ATP2B2: variants seen among roughly 807,000 people sequenced by gnomAD.
ATP2B2 encodes plasma membrane calcium-transporting ATPase 2.
Under a neutral mutation model 120.0 loss-of-function variants are expected in ATP2B2, and 15 were observed. That is an observed-to-expected ratio of 0.12 (90% CI 0.08 to 0.19). The LOEUF is 0.19. Ranked by LOEUF, ATP2B2 falls within the 10% of genes least tolerant of loss-of-function variation. The probability of loss-of-function intolerance (pLI) is 1.00; values close to 1 mark genes in which losing one functional copy is unlikely to be tolerated. For missense variants in ATP2B2, 1,045 were observed against 1,719.8 expected (o/e 0.61, Z 6.94); for synonymous variants, 694 against 700.3 (o/e 0.99, Z 0.14).
intron 21 of ATP2B2, among the ~76,000 whole-genome samples, chr3:10,339,734 C>T (rs529687031): frequency 2.7e-4 from 41 of 152,288 alleles, no homozygotes; most frequent in African/African-American, 9.6e-4. Flanking sequence ...CTTGCGTTCC[C>T]TCTGAGTGCT....
At chr3:10,620,375 C>G (rs1329339603) in intron 1 of ATP2B2, among the ~76,000 whole-genome samples, 1 of 152,168 alleles carries the variant, frequency 6.6e-6, no homozygotes, top group East Asian at 1.9e-4. Flanking sequence ...AGGCTCTGGA[C>G]AAAGTCTGGG....
chr3:10,613,992 T>C (rs1305680835), intron 2 of ATP2B2, among the ~76,000 whole-genome samples: 6 of 152,088 alleles, frequency 3.9e-5, no homozygotes, highest in African/African-American at 1.4e-4. Flanking sequence ...TGGAATGTTG[T>C]TCTTGGTTTT....
chr3:10,607,132 G>C (rs947839383), intron 2 of ATP2B2, among the ~76,000 whole-genome samples: 6 of 152,104 alleles, frequency 3.9e-5, no homozygotes, highest in Non-Finnish European at 7.4e-5. Flanking sequence ...ACAAGATGTG[G>C]CACTGGCTTG....
At chr3:10,575,143 G>C (rs2068215448) in intron 2 of ATP2B2, among the ~76,000 whole-genome samples, 1 of 152,178 alleles carries the variant, frequency 6.6e-6, no homozygotes, top group African/African-American at 2.4e-5. Flanking sequence ...CTGAAAGAAA[G>C]AGCTGGAAGT....
At chr3:10,477,237 GTGTGT>G (rs1193465556) in intron 1 of ATP2B2, among the ~76,000 whole-genome samples, 1 of 152,194 alleles carries the variant, frequency 6.6e-6, no homozygotes, top group African/African-American at 2.4e-5. Flanking sequence ...TTTTGTGTGT[GTGTGT>G]TTTCTCTGAA....
intron 2 of ATP2B2, among the ~76,000 whole-genome samples, chr3:10,434,201 A>G (rs2125112983): frequency 6.6e-6 from 1 of 152,396 alleles, no homozygotes; most frequent in Admixed American, 6.5e-5. Context: ...ATTTATTTTC[A>G]GTTACAATCT....
At chr3:10,460,275 T>C (rs546563415) in intron 1 of ATP2B2, among the ~76,000 whole-genome samples, 5 of 152,154 alleles carry the variant, frequency 3.3e-5, no homozygotes, top group Non-Finnish European at 7.3e-5. Context: ...TGAAAGACAG[T>C]ACCCCTGGGG....
intron 1 of ATP2B2, among the ~76,000 whole-genome samples, chr3:10,451,032 C>A (rs914814514): frequency 1.3e-5 from 2 of 152,326 alleles, no homozygotes; most frequent in African/African-American, 4.8e-5. Context: ...CAACTCCTCC[C>A]CTGCCTTATC....
At chr3:10,453,130 C>A (rs1009719749) in intron 1 of ATP2B2, among the ~76,000 whole-genome samples, 2 of 152,200 alleles carry the variant, frequency 1.3e-5, no homozygotes, top group African/African-American at 4.8e-5. Flanking sequence ...CGCTGCAAGG[C>A]GTTATGCATA....
Position 10,375,772 on chromosome 3 carries a change from C to A in ATP2B2, c.1202-128G>T. On this transcript the variant is annotated intron_variant, in intron 10 of 22. Transcript: ENST00000360273. This position sits in a 1 kb window ranked among gnomAD's most constrained non-coding sequence, Gnocchi z 4.2. Reference sequence around the variant, plus strand: ...CAGCTCACCTCCCAGCTCTGCCACTCCTTGCTTTATGACCTGTGGCAAGTT... The same window carrying A: ...CAGCTCACCTCCCAGCTCTGCCACTACTTGCTTTATGACCTGTGGCAAGTT... 1.2e-6 allele frequency: 1 copy of A among 808,832 alleles called. No individual in the cohort carries two copies. Among genetic ancestry groups the A allele is most frequent in the Non-Finnish European group, 2.1e-6 (1 of 480,940 alleles). 50.1% of individuals were successfully genotyped at this position (808,832 alleles called of 1,614,324 possible).
At position 10,449,737 on chromosome 3, in the gene ATP2B2, G is replaced by A. The variant is rs911009371; in HGVS notation, c.-194C>T. On this transcript the variant is annotated 5_prime_UTR_variant, in exon 2 of 23. Transcript: ENST00000360273. ...ACAGTGGTGGTGAGCTCCAAGAGGT[G>A]TCCTCCGGTGTGGGACGAGGTCCAG... 8 of 680,342 alleles carry A rather than the reference G, an allele frequency of 1.2e-5. No individual in the cohort carries two copies. The highest frequency in any genetic ancestry group is 5.3e-5 in the African/African-American group (3 of 56,504). 42.1% of individuals were successfully genotyped at this position (680,342 alleles called of 1,614,324 possible). A position where few individuals can be genotyped will look rare whatever the true frequency, so the allele number is the denominator to read the frequency against.
chr3:10,613,601 A>G (rs145613629), intron 2 of ATP2B2, among the ~76,000 whole-genome samples: 112 of 152,212 alleles, frequency 7.4e-4, no homozygotes, highest in African/African-American at 2.5e-3. Flanking sequence ...TCTCACCCCC[A>G]GTGTGAGACT....
At chr3:10,450,545 C>CACCTGTGGTGCA (rs1559354172) in intron 1 of ATP2B2, among the ~76,000 whole-genome samples, 2 of 152,200 alleles carry the variant, frequency 1.3e-5, no homozygotes, top group Admixed American at 6.5e-5. Flanking sequence ...CACCCACAGG[C>CACCTGTGGTGCA]CCCCACCATA....
chr3:10,460,800 G>A (rs1164768011), intron 1 of ATP2B2, among the ~76,000 whole-genome samples: 1 of 152,142 alleles, frequency 6.6e-6, no homozygotes, highest in Non-Finnish European at 1.5e-5. Context: ...CTTTTGTACT[G>A]TGCGTGGTCC....
chr3:10,691,064 C>A (rs138851874), intron 1 of ATP2B2, among the ~76,000 whole-genome samples: 36 of 152,352 alleles, frequency 2.4e-4, no homozygotes, highest in African/African-American at 8.4e-4. Context: ...TTCTTTCTAA[C>A]CAGATGCTTT....
intron 2 of ATP2B2, among the ~76,000 whole-genome samples, chr3:10,571,739 T>C (rs1352573183): frequency 6.6e-6 from 1 of 152,188 alleles, no homozygotes; most frequent in East Asian, 1.9e-4. Flanking sequence ...CCTGGATGAC[T>C]CCTTAACTGA....
chr3:10,657,260 C>A (rs1559507547), intron 1 of ATP2B2, among the ~76,000 whole-genome samples: 1 of 152,196 alleles, frequency 6.6e-6, no homozygotes, highest in Non-Finnish European at 1.5e-5. Context: ...CACCCCTGTG[C>A]CTTTGCACAT....
At chr3:10,512,875 G>A (rs547646200) in intron 3 of ATP2B2, among the ~76,000 whole-genome samples, 10 of 152,350 alleles carry the variant, frequency 6.6e-5, no homozygotes, top group South Asian at 2.1e-4. Flanking sequence ...CTGCTTTACC[G>A]TGATGGGCTG....
intron 2 of ATP2B2, among the ~76,000 whole-genome samples, chr3:10,614,252 T>A (rs1280315665): frequency 6.6e-6 from 1 of 152,170 alleles, no homozygotes; most frequent in South Asian, 2.1e-4. Flanking sequence ...GCTCCGTATG[T>A]ATTTGCTGAA....
Sources: allele counts gnomAD v4.1 joint callset (sites outside exome capture counted in the v4.1 genomes callset), GRCh38; gene constraint gnomAD v4.1.1; non-coding constraint Gnocchi (gnomAD v3.1); transcripts MANE v1.5; gene names NCBI Gene and HGNC (gene_info 2026-07-23, HGNC 2026-07-21).